Variants in MBNL1 observed in about 807,000 individuals in gnomAD.
The protein encoded by MBNL1 is muscleblind like splicing regulator 1, also known as muscleblind-like protein 1.
MBNL1 carries 8 observed loss-of-function variants against 42.2 expected under a neutral mutation model. That is an observed-to-expected ratio of 0.19 (90% CI 0.11 to 0.34). The LOEUF (loss-of-function observed/expected upper bound fraction) is 0.34, where lower values mean the gene tolerates loss of function less well. Ranked by LOEUF, MBNL1 falls within the 10% of genes least tolerant of loss-of-function variation. The pLI, the probability that MBNL1 is intolerant of heterozygous loss-of-function variation, is 1.00. For synonymous variants in MBNL1, 169 were observed against 173.9 expected (o/e 0.97, Z 0.22); for missense variants, 309 against 495.3 (o/e 0.62, Z 3.57).
At chr3:152,413,666 C>G (rs1053232065) in intron 2 of MBNL1, among the ~76,000 whole-genome samples, 2 of 152,160 alleles carry the variant, frequency 1.3e-5, no homozygotes, top group Non-Finnish European at 2.9e-5. Flanking sequence ...CAATTTATAG[C>G]ATAAAGTTCA....
intron 1 of MBNL1, among the ~76,000 whole-genome samples, chr3:152,288,580 A>T (rs1415640367): frequency 1.3e-5 from 2 of 152,178 alleles, no homozygotes; most frequent in African/African-American, 4.8e-5. Context: ...ATAATGTATT[A>T]AAAAAAGCAT....
At chr3:152,432,396 G>C (rs547426445) in intron 3 of MBNL1, among the ~76,000 whole-genome samples, 2 of 152,038 alleles carry the variant, frequency 1.3e-5, no homozygotes, top group Non-Finnish European at 2.9e-5. Context: ...ATGAAGATTA[G>C]ATGACCACAA....
intron 2 of MBNL1, among the ~76,000 whole-genome samples, chr3:152,346,570 C>A (rs2094279984): frequency 6.6e-6 from 1 of 151,882 alleles, no homozygotes; most frequent in African/African-American, 2.4e-5. Flanking sequence ...TAATTTAATT[C>A]CAATTTTACT....
rs1454958277 is a variant in MBNL1 at position 152,464,825 on chromosome 3, A to G, written c.*2459A>G. The G allele has an allele frequency of 6.6e-6, 1 of 152,640 alleles. No individual in the cohort carries two copies. The highest frequency in any genetic ancestry group is 1.5e-5 in the Non-Finnish European group (1 of 68,034). The allele number at this position is 152,640 out of a possible 1,614,324, so 9.5% of individuals were successfully genotyped here. A position where few individuals can be genotyped will look rare whatever the true frequency, so the allele number is the denominator to read the frequency against. On this transcript the variant is annotated 3_prime_UTR_variant, in exon 10 of 10. Transcript: ENST00000324210. ...AGGTTGACTTTTTGCACTTCTGTAT[A>G]TAGTCAAAAGAGAGAAACCTGTATA...
intron 2 of MBNL1, among the ~76,000 whole-genome samples, chr3:152,397,243 A>C (rs1160922670): frequency 6.6e-6 from 1 of 152,188 alleles, no homozygotes; most frequent in Admixed American, 6.5e-5. Flanking sequence ...GTTCTGGGAT[A>C]CATGTGCAGA....
At chr3:152,270,715 T>C (rs899158545) in intron 1 of MBNL1, among the ~76,000 whole-genome samples, 1 of 152,240 alleles carries the variant, frequency 6.6e-6, no homozygotes, top group African/African-American at 2.4e-5. Flanking sequence ...TTCTTAAAGT[T>C]GGTGACAACT....
chr3:152,268,436 T>A (rs1022173509), upstream of MBNL1: 1 of 278,692 alleles, frequency 3.6e-6, no homozygotes, highest in African/African-American at 2.4e-5. Context: ...CGCAGGATTC[T>A]AGTCTAATTG....
chr3:152,440,557 G>T (rs913156724), intron 4 of MBNL1, among the ~76,000 whole-genome samples: 1 of 152,130 alleles, frequency 6.6e-6, no homozygotes, highest in African/African-American at 2.4e-5. Flanking sequence ...CTCCCACCGG[G>T]TCTGTCCCAC....
chr3:152,417,219 T>TTG (rs2098716720), intron 3 of MBNL1, among the ~76,000 whole-genome samples: 1 of 152,154 alleles, frequency 6.6e-6, no homozygotes, highest in African/African-American at 2.4e-5. Flanking sequence ...TTGATGAGGG[T>TTG]AATGACATGG....
At chr3:152,284,725 A>G (rs1476866828) in intron 1 of MBNL1, among the ~76,000 whole-genome samples, 1 of 152,130 alleles carries the variant, frequency 6.6e-6, no homozygotes, top group Non-Finnish European at 1.5e-5. Flanking sequence ...CATAGTCAGC[A>G]TACATCAGTT....
rs116276644 is a variant in MBNL1, at chr3:152,275,038, A to G, written c.-790+5946A>G. ...CAGCTTATTGTATCCAGAAATTTCA[A>G]TCATATCCAATAATTTATCAGCATT... is the stretch of plus-strand genomic sequence containing the variant. On this transcript the variant is annotated intron_variant, in intron 1 of 9. Transcript: ENST00000324210. Among the ~76,000 whole-genome samples the G allele has an allele frequency of 5.6e-3, 852 of 152,346 alleles. 8 individuals are homozygous for G. Among genetic ancestry groups the G allele is most frequent in the African/African-American group, 0.02 (822 of 41,584 alleles).
chr3:152,402,732 G>T (rs2098279390), intron 2 of MBNL1, among the ~76,000 whole-genome samples: 1 of 152,202 alleles, frequency 6.6e-6, no homozygotes, highest in African/African-American at 2.4e-5. Context: ...AGAAAAAAAT[G>T]GGGCTATAGT....
intron 3 of MBNL1, among the ~76,000 whole-genome samples, chr3:152,425,441 T>C (rs1348804041): frequency 6.6e-6 from 1 of 151,944 alleles, no homozygotes; most frequent in Non-Finnish European, 1.5e-5. Flanking sequence ...GCCCTGTCTC[T>C]ACTAAAGATA....
chr3:152,420,230 A>G (rs2153682991), intron 3 of MBNL1, among the ~76,000 whole-genome samples: 1 of 152,356 alleles, frequency 6.6e-6, no homozygotes, highest in African/African-American at 2.4e-5. Context: ...TGAAGAGAGC[A>G]GCAGATCTCC....
intron 1 of MBNL1, chr3:152,269,598 T>TA (rs1486660923): frequency 2.9e-5 from 13 of 440,714 alleles, no homozygotes; most frequent in Non-Finnish European, 5.9e-5. Flanking sequence ...ACCCATAAAT[T>TA]ACGCATGACA....
intron 1 of MBNL1, among the ~76,000 whole-genome samples, chr3:152,287,074 C>T (rs533119845): frequency 7.9e-5 from 12 of 151,850 alleles, no homozygotes; most frequent in Admixed American, 4.6e-4. Flanking sequence ...AAAAAGTAGC[C>T]GGGTGTGGTG....
intron 1 of MBNL1, among the ~76,000 whole-genome samples, chr3:152,287,610 T>A (rs2053315477): frequency 6.6e-6 from 1 of 152,342 alleles, no homozygotes; most frequent in South Asian, 2.1e-4. Flanking sequence ...ATATTTTTAA[T>A]AGTTACCCAC....
chr3:152,262,079 A>T (rs2036388347), intron 2 of MBNL1, among the ~76,000 whole-genome samples: 1 of 152,184 alleles, frequency 6.6e-6, no homozygotes, highest in Non-Finnish European at 1.5e-5. Context: ...CACCTTGCAA[A>T]AGACTTAATA....
At chr3:152,337,070 C>A (rs1344499468) in intron 2 of MBNL1, among the ~76,000 whole-genome samples, 1 of 152,094 alleles carries the variant, frequency 6.6e-6, no homozygotes, top group Non-Finnish European at 1.5e-5. Flanking sequence ...AAAGTCCTGT[C>A]AGAGTTTATA....
Sources: allele counts gnomAD v4.1 joint callset (sites outside exome capture counted in the v4.1 genomes callset), GRCh38; gene constraint gnomAD v4.1.1; transcripts MANE v1.5; gene names NCBI Gene and HGNC (gene_info 2026-07-23, HGNC 2026-07-21).